VPS8: variants seen among roughly 807,000 people sequenced by gnomAD.
The protein encoded by VPS8 is vacuolar protein sorting-associated protein 8 homolog.
Under a neutral mutation model 216.4 loss-of-function variants are expected in VPS8, and 129 were observed. The observed-to-expected ratio is 0.60, with a 90% CI of 0.52 to 0.69. The LOEUF is 0.69. Among genes scored for constraint, VPS8 ranks in the 30% least tolerant of loss-of-function variants. VPS8 has a pLI of 0.00. For missense variants in VPS8, 1,531 were observed against 1,683.5 expected, an observed-to-expected ratio of 0.91 and a Z score of 1.59; for synonymous variants, 571 against 565.4, an observed-to-expected ratio of 1.01 and a Z score of -0.14.
Position 184,864,770 on chromosome 3 carries a change from A to G in VPS8, c.1395+1703A>G, listed in dbSNP as rs184015506. Among the ~76,000 whole-genome samples the G allele has an allele frequency of 6.6e-5, 10 of 152,362 alleles. No homozygotes were observed. The East Asian group carries it at 1.7e-3, about 26-fold the overall frequency. On this transcript the variant is annotated intron_variant, in intron 16 of 47. Coordinates refer to ENST00000625842, the MANE Select transcript of VPS8 (RefSeq NM_001009921.3). ...CAAGAATATTAATAGGAATACAGAA[A>G]GATCCAGAAACCAACAAGGTAAAAT...
At position 184,869,533 on chromosome 3, in the gene VPS8, G is replaced by A. The variant is rs1454021125; in HGVS notation, c.1644+5G>A. 6.2e-7 allele frequency: 1 copy of A among 1,613,094 alleles called. No homozygotes were observed. The highest frequency in any genetic ancestry group is 1.7e-5 in the Admixed American group (1 of 59,978). On this transcript the variant is annotated splice_donor_5th_base_variant and intron_variant, in intron 20 of 47. Transcript: ENST00000625842. ...AAGGCTATTGTTGCAGACCGGGTGA[G>A]TATTTTAAGAGGGTCTTTACTAGAA...
In VPS8 at chr3:184,825,238, T is replaced by C. The variant is rs189136312; in HGVS notation, c.153+453T>C. ...ACAGTTTATGAAACAATTTGATTCA[T>C]GTTGTCATTTGAGCTTTACAACTCT... On this transcript the variant is annotated intron_variant, in intron 2 of 47. Transcript: ENST00000625842. Among the ~76,000 whole-genome samples the C allele has an allele frequency of 2.0e-5, 3 of 152,338 alleles. No individual in the cohort carries two copies. In the East Asian group the frequency reaches 5.8e-4, roughly 29 times the overall value.
chr3:184,854,652 A>G (rs1334032275), intron 13 of VPS8, among the ~76,000 whole-genome samples: 3 of 152,190 alleles, frequency 2.0e-5, no homozygotes, highest in Admixed American at 6.5e-5. Flanking sequence ...TTGTTTTTAC[A>G]TGGCTGCTGT....
chr3:185,021,525 C>T (rs1335400724), intron 45 of VPS8, among the ~76,000 whole-genome samples: 1 of 152,106 alleles, frequency 6.6e-6, no homozygotes, highest in Non-Finnish European at 1.5e-5. Context: ...CTGTTTTCTC[C>T]CTTTTCAAAA....
intron 46 of VPS8, among the ~76,000 whole-genome samples, chr3:185,044,240 G>A (rs943401089): frequency 1.3e-5 from 2 of 152,134 alleles, no homozygotes; most frequent in Admixed American, 6.5e-5. Context: ...GACTGCTGCC[G>A]AGAGAATGGC....
chr3:185,033,195 A>G (rs1391738883), intron 46 of VPS8, among the ~76,000 whole-genome samples: 1 of 152,162 alleles, frequency 6.6e-6, no homozygotes, highest in Non-Finnish European at 1.5e-5. Context: ...ATATTCTGTG[A>G]GTTCTGATAA....
chr3:184,838,380 C>T (rs1721505763), intron 5 of VPS8, among the ~76,000 whole-genome samples: 2 of 152,128 alleles, frequency 1.3e-5, no homozygotes, highest in African/African-American at 4.8e-5. Flanking sequence ...ACCATTTTGA[C>T]CCCATAGTAC....
At position 184,853,881 on chromosome 3, in the gene VPS8, T is replaced by C; in HGVS notation, c.846T>C (p.Cys282=). 6.3e-7 allele frequency: 1 copy of C among 1,589,192 alleles called. No homozygotes were observed. The highest frequency in any genetic ancestry group is 8.6e-7 in the Non-Finnish European group (1 of 1,166,876). ...GGAGAGTGATGGGAGTGAGAACCTG[T>C]GAATCTAGATGTCTGTTCAGTGGTT... is the stretch of plus-strand genomic sequence containing the variant. ...TFKRVMGVRT[C]ESRCLFSGSK... Residue 282 remains cysteine (C), a synonymous_variant, in exon 12 of 48, where the codon TGT becomes TGC. Transcript: ENST00000625842.
At chr3:184,819,834 AGTT>A (rs534803297) in intron 1 of VPS8, among the ~76,000 whole-genome samples, 164 of 152,348 alleles carry the variant, frequency 1.1e-3, no homozygotes, top group Non-Finnish European at 1.9e-3. Context: ...TAACATTAAC[AGTT>A]GTTTAACACA....
intron 37 of VPS8, among the ~76,000 whole-genome samples, chr3:184,963,521 A>C (rs1204261838): frequency 6.6e-6 from 1 of 152,050 alleles, no homozygotes; most frequent in Non-Finnish European, 1.5e-5. Flanking sequence ...ATTGTTTTCT[A>C]TGGAGCAACC....
At chr3:184,883,279 T>G (rs764428962) in intron 21 of VPS8, among the ~76,000 whole-genome samples, 2 of 152,182 alleles carry the variant, frequency 1.3e-5, no homozygotes, top group Non-Finnish European at 2.9e-5. Flanking sequence ...CAATTTTATT[T>G]CTATTCATTG....
chr3:184,866,716 ATAT>A (rs1727424237), intron 16 of VPS8, among the ~76,000 whole-genome samples, 157 bp from the exon 17 acceptor site: 1 of 152,254 alleles, frequency 6.6e-6, no homozygotes, highest in African/African-American at 2.4e-5. Flanking sequence ...TATATGCCAA[ATAT>A]TATTTAAATG....
At chr3:184,920,464 G>A (rs1411436422) in intron 29 of VPS8, among the ~76,000 whole-genome samples, 1 of 152,188 alleles carries the variant, frequency 6.6e-6, no homozygotes, top group South Asian at 2.1e-4. Context: ...TGCTATGTTA[G>A]TATGATTACG....
chr3:185,019,024 T>G (rs371765967), intron 45 of VPS8, among the ~76,000 whole-genome samples: 1 of 152,354 alleles, frequency 6.6e-6, no homozygotes, highest in African/African-American at 2.4e-5. Context: ...TAGCTTTAGC[T>G]GGCAAACAGA....
In VPS8 at chr3:184,836,256, A is replaced by G. The variant is rs1391086916; in HGVS notation, c.447+1514A>G. The G allele has an allele frequency of 6.6e-6, 3 of 456,532 alleles. No homozygotes were observed. The Admixed American group carries it at 7.1e-5, about 11-fold the overall frequency. The allele number at this position is 456,532 out of a possible 1,614,324, so 28.3% of individuals were successfully genotyped here. On this transcript the variant is annotated intron_variant, in intron 5 of 47. Coordinates refer to ENST00000625842, the MANE Select transcript of VPS8 (RefSeq NM_001009921.3). ...GTTCTTCCTCTTTTAGGTGGAGAGT[A>G]ACTCATATTTGCTAGAATGGGAACC...
At chr3:185,011,058 A>G (rs6766554) in intron 45 of VPS8, among the ~76,000 whole-genome samples, 13,346 of 151,622 alleles carry the variant, frequency 0.088, 631 homozygotes, top group African/African-American at 0.094. Context: ...AACAACTTCA[A>G]GTGGCCAAAT....
Position 184,999,714 on chromosome 3 carries a change from C to T in VPS8, c.3855C>T (p.His1285=), listed in dbSNP as rs1349714785. The T allele has an allele frequency of 1.2e-6, 2 of 1,610,952 alleles. No individual in the cohort carries two copies. Among genetic ancestry groups the T allele is most frequent in the Admixed American group, 3.4e-5 (2 of 59,320 alleles). ...IIVFSCGHLY[H]SFCLQNKECT... is the part of the protein sequence containing the mutation. ...TTTGCAGCTGTGGCCATTTGTATCA[C>T]TCATTCTGCCTACAAAACAAAGAAT... is the stretch of plus-strand genomic sequence containing the variant. Residue 1285 remains histidine, a synonymous_variant, in exon 45 of 48, where the codon CAC becomes CAT. Coordinates refer to ENST00000625842, the MANE Select transcript of VPS8 (RefSeq NM_001009921.3).
At chr3:184,828,922 C>G (rs563804096) in intron 3 of VPS8, among the ~76,000 whole-genome samples, 2 of 152,316 alleles carry the variant, frequency 1.3e-5, no homozygotes, top group African/African-American at 4.8e-5. Flanking sequence ...AATTACTACT[C>G]TAACTTCTAC....
chr3:184,873,743 A>G (rs1728758024), intron 21 of VPS8, among the ~76,000 whole-genome samples: 1 of 152,182 alleles, frequency 6.6e-6, no homozygotes, highest in Non-Finnish European at 1.5e-5. Flanking sequence ...ACTGAAGCCG[A>G]CCATATGTAA....
Sources: gnomAD v4.1 joint callset for allele counts (sites outside exome capture counted in the v4.1 genomes callset) on GRCh38, gnomAD v4.1.1 for gene constraint, MANE v1.5 for transcripts, NCBI Gene and HGNC (gene_info 2026-07-23, HGNC 2026-07-21) for gene names.